Variants in ARHGEF3 observed in about 807,000 individuals in gnomAD.
ARHGEF3 encodes the protein 59.8 kDA protein.
Under a neutral mutation model 63.2 loss-of-function variants are expected in ARHGEF3, and 28 were observed. The ratio of observed to expected loss-of-function variants is 0.44; its 90% CI spans 0.33 to 0.61. ARHGEF3 has a LOEUF of 0.61. Among genes scored for constraint, ARHGEF3 ranks in the 20% least tolerant of loss-of-function variants. The probability of loss-of-function intolerance (pLI) is 0.03; values close to 1 mark genes in which losing one functional copy is unlikely to be tolerated. For missense variants in ARHGEF3, 533 were observed against 659.3 expected, an observed-to-expected ratio of 0.81 and a Z score of 2.10; for synonymous variants, 266 against 254.2, an observed-to-expected ratio of 1.05 and a Z score of -0.44.
chr3:57,015,553 C>T (rs1702956539), intron 2 of ARHGEF3, among the ~76,000 whole-genome samples: 1 of 138,930 alleles, frequency 7.2e-6, no homozygotes, highest in Non-Finnish European at 1.6e-5. Flanking sequence ...CCCGCCTCAG[C>T]CTCCTGGGTA....
At chr3:56,735,143 G>C (rs2033514586) in intron 8 of ARHGEF3, among the ~76,000 whole-genome samples, 1 of 152,164 alleles carries the variant, frequency 6.6e-6, no homozygotes, top group South Asian at 2.1e-4. Context: ...AATTAGCCAA[G>C]CGTGGTGTTG....
chr3:56,876,741 C>T (rs1423292999), intron 4 of ARHGEF3, among the ~76,000 whole-genome samples: 1 of 152,090 alleles, frequency 6.6e-6, no homozygotes, highest in African/African-American at 2.4e-5. Context: ...AGTGATGGTC[C>T]AGCCATGTGC....
chr3:57,005,392 G>T (rs949358038), intron 2 of ARHGEF3, among the ~76,000 whole-genome samples: 1 of 152,162 alleles, frequency 6.6e-6, no homozygotes, highest in African/African-American at 2.4e-5. Context: ...GCCCAGGGAG[G>T]CAAACTCAAC....
intron 4 of ARHGEF3, among the ~76,000 whole-genome samples, chr3:56,824,872 AG>A (rs2038653183): frequency 6.6e-6 from 1 of 152,356 alleles, no homozygotes; most frequent in East Asian, 1.9e-4. Context: ...CAGGATTCTC[AG>A]AGTAAAACAC....
At chr3:56,804,459 C>T (rs1227337908), upstream of ARHGEF3, among the ~76,000 whole-genome samples, 1 of 152,196 alleles carries the variant, frequency 6.6e-6, no homozygotes, top group African/African-American at 2.4e-5. Context: ...ATCAAATCCA[C>T]ACCCTCACAC....
At chr3:56,957,774 A>G (rs1449423545) in intron 3 of ARHGEF3, among the ~76,000 whole-genome samples, 1 of 152,194 alleles carries the variant, frequency 6.6e-6, no homozygotes, top group Non-Finnish European at 1.5e-5. Context: ...GGTGCTAGGC[A>G]AAGAGAGTGC....
chr3:56,732,319 C>A lies in ARHGEF3; in HGVS notation c.1147G>T (p.Asp383Tyr). The change falls in exon 9 of 10, where the codon GAC becomes TAC. Residue 383 changes from aspartate to tyrosine, a missense_variant. Physicochemically the swap from Asp to Tyr is radical, Grantham distance 160 (BLOSUM62 -3). Transcript: ENST00000296315. ...QLYRQPIPVK[D>Y]LLLEDLQDGE... ...TCCTGGAGGTCTTCCAGCAGGAGGT[C>A]TTTCACGGGGATTGGCTGACGGTAC... The A allele has an allele frequency of 2.5e-6, 4 of 1,614,194 alleles. No individual in the cohort carries two copies. The highest frequency in any genetic ancestry group is 3.4e-6 in the Non-Finnish European group (4 of 1,180,046).
At position 57,039,144 on chromosome 3, in the gene ARHGEF3, C is replaced by G. The variant is rs191198416; in HGVS notation, c.-27-3968G>C. On this transcript the variant is annotated intron_variant, in intron 1 of 12. Coordinates refer to the ARHGEF3 transcript ENST00000338458. ...AATTCCATTTCTCCCCAGCTAAAAA[C>G]TCTGGCACCACCACTCCCTCGTTCC... 6.6e-5 allele frequency among the ~76,000 whole-genome samples: 10 copies of G among 152,320 alleles called. No homozygotes were observed. The East Asian group carries it at 1.2e-3, about 18-fold the overall frequency.
chr3:56,775,357 C>T, intron 1 of ARHGEF3: 2 of 1,096,212 alleles, frequency 1.8e-6, no homozygotes, highest in Non-Finnish European at 2.2e-6. Flanking sequence ...CCAAGCTTTC[C>T]AGCATTTGCA....
chr3:56,868,362 T>TTTG (rs953020458), intron 4 of ARHGEF3, among the ~76,000 whole-genome samples: 4 of 49,474 alleles, frequency 8.1e-5, no homozygotes, highest in African/African-American at 2.4e-4. Flanking sequence ...TTTTTGTTTG[T>TTTG]TTTTTTTTTT....
intron 2 of ARHGEF3, among the ~76,000 whole-genome samples, chr3:57,028,823 G>A (rs1190707363): frequency 2.6e-5 from 4 of 151,996 alleles, no homozygotes; most frequent in Non-Finnish European, 4.4e-5. Flanking sequence ...AAGCCCCTCA[G>A]GAGGTGCCCC....
At chr3:56,871,386 C>T (rs560881155) in intron 4 of ARHGEF3, among the ~76,000 whole-genome samples, 8 of 152,062 alleles carry the variant, frequency 5.3e-5, no homozygotes, top group African/African-American at 1.9e-4. Flanking sequence ...ACTGAGGTGG[C>T]TCAAGTTATC....
At chr3:56,881,397 A>G (rs2040760812) in intron 4 of ARHGEF3, among the ~76,000 whole-genome samples, 1 of 152,190 alleles carries the variant, frequency 6.6e-6, no homozygotes, top group African/African-American at 2.4e-5. Flanking sequence ...ATGAACTGAC[A>G]AGGGGAGCCC....
chr3:57,006,790 C>T (rs1702486571), intron 2 of ARHGEF3, among the ~76,000 whole-genome samples: 1 of 152,222 alleles, frequency 6.6e-6, no homozygotes, highest in East Asian at 1.9e-4. Flanking sequence ...GGAAATCCAT[C>T]TCCATCAGAA....
intron 1 of ARHGEF3, among the ~76,000 whole-genome samples, chr3:57,066,554 C>T (rs1258901675): frequency 2.0e-5 from 3 of 152,224 alleles, no homozygotes; most frequent in African/African-American, 4.8e-5. Context: ...TGAGCCACCG[C>T]GCCCAGGCTT....
intron 4 of ARHGEF3, among the ~76,000 whole-genome samples, chr3:56,830,580 C>T (rs2038899259): frequency 6.6e-6 from 1 of 152,190 alleles, no homozygotes; most frequent in Non-Finnish European, 1.5e-5. Flanking sequence ...TTAGCACTGA[C>T]TCTCTTGCCT....
At chr3:56,962,120 A>C (rs150767148) in intron 2 of ARHGEF3, among the ~76,000 whole-genome samples, 103 of 152,272 alleles carry the variant, frequency 6.8e-4, no homozygotes, top group African/African-American at 2.4e-3. Flanking sequence ...CCTTCTCCCC[A>C]GCCAAACACT....
intron 2 of ARHGEF3, among the ~76,000 whole-genome samples, chr3:57,024,184 C>T (rs1053496247): frequency 1.3e-5 from 2 of 151,992 alleles, no homozygotes; most frequent in African/African-American, 4.8e-5. Context: ...GACATTCTAA[C>T]CTTGCAGAAA....
upstream of ARHGEF3, among the ~76,000 whole-genome samples, chr3:56,802,479 A>G (rs1390737620): frequency 6.6e-6 from 1 of 152,144 alleles, no homozygotes; most frequent in Non-Finnish European, 1.5e-5. Context: ...ACAAATGGCA[A>G]AATGCACCCA....
Sources: allele counts gnomAD v4.1 joint callset (sites outside exome capture counted in the v4.1 genomes callset), GRCh38; gene constraint gnomAD v4.1.1; transcripts MANE v1.5; gene names NCBI Gene and HGNC (gene_info 2026-07-23, HGNC 2026-07-21).